The following EGFR variants were observed in gnomAD, a reference collection of about 807,000 sequenced individuals.
EGFR encodes epidermal growth factor receptor.
EGFR carries 58 observed loss-of-function variants against 143.0 expected under a neutral mutation model. That is an observed-to-expected ratio of 0.41 (90% CI 0.33 to 0.50). The LOEUF is 0.50. Ranked by LOEUF, EGFR falls within the 20% of genes least tolerant of loss-of-function variation. The probability of loss-of-function intolerance (pLI) is 0.39; values close to 1 mark genes in which losing one functional copy is unlikely to be tolerated. For synonymous variants in EGFR, 613 were observed against 594.4 expected, an observed-to-expected ratio of 1.03 and a Z score of -0.45; for missense variants, 1,307 against 1,579.0, an observed-to-expected ratio of 0.83 and a Z score of 2.92.
chr7:55,181,788 T>C, intron 20 of EGFR: 1 of 437,104 alleles, frequency 2.3e-6, no homozygotes, highest in South Asian at 2.2e-5. Context: ...ACTGTGGTGA[T>C]TTGTAGTGGA....
intron 1 of EGFR, among the ~76,000 whole-genome samples, chr7:55,028,217 C>A (rs1334368512): frequency 6.6e-6 from 1 of 151,902 alleles, no homozygotes; most frequent in Non-Finnish European, 1.5e-5. Context: ...CTTATGATGT[C>A]ATTACAACCC....
intron 1 of EGFR, among the ~76,000 whole-genome samples, chr7:55,072,725 C>T (rs573252010): frequency 9.2e-5 from 14 of 152,230 alleles, no homozygotes; most frequent in African/African-American, 1.4e-4. Flanking sequence ...TAAATATTGA[C>T]GGCTGCTTTT....
At chr7:55,160,017 T>C in intron 11 of EGFR, 122 bp from the exon 12 acceptor site, 1 of 1,045,278 alleles carries the variant, frequency 9.6e-7, no homozygotes, top group East Asian at 2.6e-5. Flanking sequence ...TCCCACAGCA[T>C]GACCTACCAT....
intron 7 of EGFR, among the ~76,000 whole-genome samples, chr7:55,155,331 G>A (rs754410757): frequency 9.9e-5 from 15 of 152,124 alleles, no homozygotes; most frequent in African/African-American, 3.4e-4. Flanking sequence ...AATCACAGCC[G>A]CTCAGGAGGC....
rs369208883 is a variant in EGFR at position 55,128,500 on chromosome 7, G to C, written c.89-13786G>C. On this transcript the variant is annotated intron_variant, in intron 1 of 27. Transcript: ENST00000275493. ...TTTCAAAAAGCAAAAGAAAACCTAAGAGAAAAGTTGAAAGTAGGAATTTTT... is the reference window on the plus strand; with the variant it reads ...TTTCAAAAAGCAAAAGAAAACCTAACAGAAAAGTTGAAAGTAGGAATTTTT... Among the ~76,000 whole-genome samples, 60 of 152,238 alleles carry C rather than the reference G, an allele frequency of 3.9e-4. No homozygotes were observed. The South Asian group carries it at 9.5e-3, about 24-fold the overall frequency.
intron 1 of EGFR, among the ~76,000 whole-genome samples, chr7:55,043,573 G>A (rs1202493563): frequency 6.6e-6 from 1 of 152,108 alleles, no homozygotes; most frequent in Non-Finnish European, 1.5e-5. Context: ...TGTTGGCTAG[G>A]TTGGTCTCGA....
At chr7:55,126,251 T>G (rs981584085) in intron 1 of EGFR, among the ~76,000 whole-genome samples, 1 of 152,228 alleles carries the variant, frequency 6.6e-6, no homozygotes, top group Admixed American at 6.5e-5. Context: ...GTAAGCTTCC[T>G]GAGGGCAGGA....
intron 1 of EGFR, among the ~76,000 whole-genome samples, chr7:55,122,359 C>T (rs1793257737): frequency 6.6e-6 from 1 of 152,206 alleles, no homozygotes; most frequent in South Asian, 2.1e-4. Context: ...CTCTTACTGC[C>T]CAACCTGCAA....
intron 20 of EGFR, among the ~76,000 whole-genome samples, chr7:55,189,361 G>A (rs932696852): frequency 2.0e-5 from 3 of 152,176 alleles, no homozygotes; most frequent in Non-Finnish European, 2.9e-5. Flanking sequence ...CTGCACGGAC[G>A]TGTGTGAAAG....
chr7:55,188,161 T>C (rs905312782), intron 20 of EGFR, among the ~76,000 whole-genome samples: 4 of 152,202 alleles, frequency 2.6e-5, no homozygotes, highest in Non-Finnish European at 5.9e-5. Context: ...ATAGTGTTGA[T>C]AGGAAAGCCC....
At chr7:55,020,032 C>G (rs529501478) in intron 1 of EGFR, among the ~76,000 whole-genome samples, 67 of 152,330 alleles carry the variant, frequency 4.4e-4, no homozygotes, top group Admixed American at 6.5e-4. Context: ...GTCGCAGCCT[C>G]GACCTGGGAG....
chr7:55,091,889 C>T (rs1791145513), intron 1 of EGFR, among the ~76,000 whole-genome samples: 1 of 99,198 alleles, frequency 1.0e-5, no homozygotes, highest in Non-Finnish European at 2.2e-5. Context: ...CACACACACA[C>T]ACCCTGAGAG....
At chr7:55,137,435 G>A (rs915261796) in intron 1 of EGFR, among the ~76,000 whole-genome samples, 2 of 152,176 alleles carry the variant, frequency 1.3e-5, no homozygotes, top group Non-Finnish European at 2.9e-5. Context: ...AGGCTTGTGG[G>A]CAGAGTGGTA....
chr7:55,185,117 A>AGAT (rs1261042234), intron 20 of EGFR, among the ~76,000 whole-genome samples: 1 of 152,190 alleles, frequency 6.6e-6, no homozygotes, highest in African/African-American at 2.4e-5. Context: ...ACTGCCAAAG[A>AGAT]GATTACATAA....
chr7:55,128,083 T>A (rs1016216906), intron 1 of EGFR, among the ~76,000 whole-genome samples: 1 of 152,228 alleles, frequency 6.6e-6, no homozygotes, highest in South Asian at 2.1e-4. Context: ...AGACCTATAA[T>A]GGGTGCAAGC....
chr7:55,142,053 T>G (rs1794486833), intron 1 of EGFR, among the ~76,000 whole-genome samples: 1 of 152,198 alleles, frequency 6.6e-6, no homozygotes, highest in African/African-American at 2.4e-5. Flanking sequence ...TTAAAGATCT[T>G]TTATCACAAA....
At chr7:55,198,337 G>T (rs890559484) in intron 22 of EGFR, among the ~76,000 whole-genome samples, 1 of 152,112 alleles carries the variant, frequency 6.6e-6, no homozygotes, top group Non-Finnish European at 1.5e-5. Flanking sequence ...GCAGATACAG[G>T]TCCCTCAGAG....
intron 1 of EGFR, among the ~76,000 whole-genome samples, chr7:55,141,560 T>G (rs1794461030): frequency 6.6e-6 from 1 of 152,178 alleles, no homozygotes; most frequent in African/African-American, 2.4e-5. Flanking sequence ...GCTGAGAGTG[T>G]TTTTAAATGT....
At chr7:55,118,474 A>C (rs1314592258) in intron 1 of EGFR, among the ~76,000 whole-genome samples, 1 of 152,190 alleles carries the variant, frequency 6.6e-6, no homozygotes, top group East Asian at 1.9e-4. Flanking sequence ...AAGCAGGTGG[A>C]CCAGCCTCTG....
Sources: gnomAD v4.1 joint callset for allele counts (sites outside exome capture counted in the v4.1 genomes callset) on GRCh38, gnomAD v4.1.1 for gene constraint, MANE v1.5 for transcripts, NCBI Gene and HGNC (gene_info 2026-07-23, HGNC 2026-07-21) for gene names.